Variants in LMBR1 observed in about 807,000 individuals in gnomAD.
LMBR1 encodes limb development membrane protein 1, also known as limb region 1 protein homolog.
Under a neutral mutation model 73.9 loss-of-function variants are expected in LMBR1, and 52 were observed. The ratio of observed to expected loss-of-function variants is 0.70; its 90% CI spans 0.56 to 0.89. The LOEUF is 0.89. Among genes scored for constraint, LMBR1 ranks in the 40% least tolerant of loss-of-function variants. LMBR1 has a pLI of 0.00. For synonymous variants in LMBR1, 215 were observed against 209.4 expected, an observed-to-expected ratio of 1.03 and a Z score of -0.23; for missense variants, 539 against 579.8, an observed-to-expected ratio of 0.93 and a Z score of 0.72.
At chr7:156,708,707 C>CT (rs1811490585) in intron 15 of LMBR1, among the ~76,000 whole-genome samples, 1 of 152,164 alleles carries the variant, frequency 6.6e-6, no homozygotes, top group African/African-American at 2.4e-5. Context: ...ATGGGAACTG[C>CT]TGCAGATAAG....
At chr7:156,875,374 TAA>T (rs1800004666) in intron 1 of LMBR1, among the ~76,000 whole-genome samples, 1 of 152,204 alleles carries the variant, frequency 6.6e-6, no homozygotes, top group South Asian at 2.1e-4. Flanking sequence ...GAGAGAAATC[TAA>T]AAGTTTGGAA....
At chr7:156,860,860 T>C (rs1180404154) in intron 1 of LMBR1, among the ~76,000 whole-genome samples, 2 of 152,256 alleles carry the variant, frequency 1.3e-5, no homozygotes, top group Non-Finnish European at 2.9e-5. Flanking sequence ...CAGGTCACAC[T>C]GATGCAAAAG....
rs1397192802 is a variant in LMBR1 at position 156,780,848 on chromosome 7, C to CA, written c.423+15540dup. Among the ~76,000 whole-genome samples the CA allele has an allele frequency of 5.3e-5, 8 of 152,338 alleles. No homozygotes were observed. In the East Asian group the frequency reaches 1.5e-3, roughly 29 times the overall value. On this transcript the variant is annotated intron_variant, in intron 5 of 16. Transcript: ENST00000353442. ...ACCCCTACCCTTCACCTCCACCCTT[C>CA]ACCCCCACCTCCCCAGTGACAGAAA...
chr7:156,674,195 C>T (rs1275201038), downstream of LMBR1, among the ~76,000 whole-genome samples: 1 of 152,222 alleles, frequency 6.6e-6, no homozygotes, highest in Non-Finnish European at 1.5e-5. Context: ...GGTGTCCTGG[C>T]TTGCAGGCAA....
At chr7:156,675,673 ACCCGCC>A, downstream of LMBR1, 1 of 1,395,304 alleles carries the variant, frequency 7.2e-7, no homozygotes, top group Non-Finnish European at 1.0e-6. Context: ...GTGTGAGCTT[ACCCGCC>A]CCCGCCTCCT....
Position 156,795,499 on chromosome 7 carries a change from T to C in LMBR1, c.423+890A>G, listed in dbSNP as rs546375739. Among the ~76,000 whole-genome samples the C allele has an allele frequency of 2.0e-5, 3 of 152,316 alleles. No individual in the cohort carries two copies. In the South Asian group the frequency reaches 6.2e-4, roughly 32 times the overall value. ...ATGAATGAATATCCATCAAAAGTTA[T>C]GTTTCCAAAATTCTACAGAAATTGC... is the stretch of plus-strand genomic sequence containing the variant. On this transcript the variant is annotated intron_variant, in intron 5 of 16. Transcript: ENST00000353442.
At chr7:156,735,630 T>A (rs766559152) in intron 9 of LMBR1, among the ~76,000 whole-genome samples, 3 of 151,916 alleles carry the variant, frequency 2.0e-5, no homozygotes, top group Non-Finnish European at 2.9e-5. Flanking sequence ...TGTTTTTGTT[T>A]TTGTTTTTCA....
At chr7:156,774,456 A>G (rs1332425311) in intron 5 of LMBR1, among the ~76,000 whole-genome samples, 1 of 152,242 alleles carries the variant, frequency 6.6e-6, no homozygotes, top group Non-Finnish European at 1.5e-5. Context: ...AAGGCATGGA[A>G]TAACCTATAT....
At chr7:156,840,529 C>T (rs1236998561) in intron 1 of LMBR1, among the ~76,000 whole-genome samples, 1 of 151,998 alleles carries the variant, frequency 6.6e-6, no homozygotes, top group Non-Finnish European at 1.5e-5. Context: ...TGGGAGCCCA[C>T]TATTCGGGTC....
chr7:156,761,840 G>T (rs1196430746), intron 8 of LMBR1, among the ~76,000 whole-genome samples: 1 of 151,992 alleles, frequency 6.6e-6, no homozygotes, highest in South Asian at 2.1e-4. Flanking sequence ...AGCCGGGCAA[G>T]GTGGCAGGGG....
intron 15 of LMBR1, among the ~76,000 whole-genome samples, chr7:156,698,617 GCTGTACC>G (rs1336469011): frequency 2.0e-5 from 3 of 152,190 alleles, no homozygotes; most frequent in Non-Finnish European, 4.4e-5. Context: ...AACAGCCCAA[GCTGTACC>G]CTGGCCCTTT....
intron 4 of LMBR1, among the ~76,000 whole-genome samples, chr7:156,824,316 G>A (rs1389982647): frequency 6.6e-6 from 1 of 152,092 alleles, no homozygotes; most frequent in Non-Finnish European, 1.5e-5. Context: ...TTACGGGATT[G>A]CTAAGGTAGC....
intron 4 of LMBR1, among the ~76,000 whole-genome samples, chr7:156,825,167 G>T (rs1264122997): frequency 1.3e-5 from 2 of 151,966 alleles, no homozygotes; most frequent in African/African-American, 4.8e-5. Flanking sequence ...GTCAAAGGAG[G>T]ACATTTTACC....
At chr7:156,811,699 C>T (rs938533753) in intron 4 of LMBR1, among the ~76,000 whole-genome samples, 6 of 152,190 alleles carry the variant, frequency 3.9e-5, no homozygotes, top group Non-Finnish European at 8.8e-5. Context: ...ACAAGGTCCC[C>T]ATGCCTGAAT....
chr7:156,797,938 A>C (rs941169429), intron 4 of LMBR1, among the ~76,000 whole-genome samples: 2 of 151,548 alleles, frequency 1.3e-5, no homozygotes, highest in Non-Finnish European at 2.9e-5. Flanking sequence ...AAAAATTTTA[A>C]ATTTTAAAAA....
chr7:156,875,240 CAACAAA>C (rs1300306382), intron 1 of LMBR1, among the ~76,000 whole-genome samples: 1 of 151,758 alleles, frequency 6.6e-6, no homozygotes, highest in African/African-American at 2.4e-5. Flanking sequence ...TAACCCAAGC[CAACAAA>C]GACAAAGAAA....
chr7:156,704,790 A>G (rs1030789194), intron 15 of LMBR1, among the ~76,000 whole-genome samples: 1 of 151,614 alleles, frequency 6.6e-6, no homozygotes, highest in Non-Finnish European at 1.5e-5. Flanking sequence ...TGAAACAAAA[A>G]AATTAATATA....
intron 2 of LMBR1, chr7:156,834,634 TA>T: frequency 4.8e-6 from 1 of 206,444 alleles, no homozygotes; most frequent in Non-Finnish European, 9.4e-6. Context: ...TATTTAGAAA[TA>T]AAAATTATAT....
Position 156,670,278 on chromosome 7 carries a change from G to C in LMBR1, n.867-991C>G, listed in dbSNP as rs1802187813. 6.6e-6 allele frequency among the ~76,000 whole-genome samples: 1 copy of C among 152,164 alleles called. No individual in the cohort carries two copies. Among genetic ancestry groups the C allele is most frequent in the Non-Finnish European group, 1.5e-5 (1 of 68,032 alleles). ...GGCTGGCTCTACTGTTTTGACTTTG[G>C]CTCTTGATACACACACATTCTAGTC... On this transcript the variant is annotated intron_variant and non_coding_transcript_variant, in intron 4 of 4. Transcript: ENST00000430825. This position sits in a 1 kb window ranked among gnomAD's most constrained non-coding sequence, Gnocchi z 4.3.
Sources: gnomAD v4.1 joint callset for allele counts (sites outside exome capture counted in the v4.1 genomes callset) on GRCh38, gnomAD v4.1.1 for gene constraint, Gnocchi (gnomAD v3.1) non-coding constraint, MANE v1.5 for transcripts, NCBI Gene and HGNC (gene_info 2026-07-23, HGNC 2026-07-21) for gene names.